The following ZNF438 variants were observed in gnomAD, a reference collection of about 807,000 sequenced individuals.
ZNF438 encodes the protein zinc finger protein 438.
In ZNF438, 25 loss-of-function variants were observed where a neutral mutation model predicts 38.0. The observed-to-expected ratio is 0.66, with a 90% confidence interval of 0.48 to 0.92. ZNF438 has a LOEUF of 0.92. Ranked by LOEUF, ZNF438 falls within the 40% of genes least tolerant of loss-of-function variation. The pLI is 0.00. For missense variants in ZNF438, 1,007 were observed against 999.6 expected (o/e 1.01, Z -0.10); for synonymous variants, 372 against 364.1 (o/e 1.02, Z -0.25).
chr10:30,982,334 C>G (rs879819644), intron 1 of ZNF438, among the ~76,000 whole-genome samples: 1 of 152,064 alleles, frequency 6.6e-6, no homozygotes, highest in Non-Finnish European at 1.5e-5. Context: ...ATCTCCTGAC[C>G]TCGTGATCCA....
intron 2 of ZNF438, among the ~76,000 whole-genome samples, chr10:30,931,664 C>T (rs936190862): frequency 6.6e-6 from 1 of 152,148 alleles, no homozygotes; most frequent in Non-Finnish European, 1.5e-5. Flanking sequence ...TGTATGTATA[C>T]TCTATAGTAC....
At chr10:30,860,790 T>C (rs2035445501) in intron 4 of ZNF438, among the ~76,000 whole-genome samples, 1 of 152,180 alleles carries the variant, frequency 6.6e-6, no homozygotes, top group Admixed American at 6.5e-5. Flanking sequence ...CCACTTTTGT[T>C]TATACCTAGT....
chr10:30,899,967 G>A (rs925406986), intron 3 of ZNF438, among the ~76,000 whole-genome samples: 3 of 152,140 alleles, frequency 2.0e-5, no homozygotes, highest in African/African-American at 7.2e-5. Context: ...TAAAAAGTAG[G>A]CATTCACTCT....
At chr10:30,854,900 A>G (rs1028658649) in intron 4 of ZNF438, among the ~76,000 whole-genome samples, 2 of 152,234 alleles carry the variant, frequency 1.3e-5, no homozygotes, top group African/African-American at 4.8e-5. Flanking sequence ...CAAAAGATGC[A>G]GCTGAAGCAA....
chr10:30,976,803 A>C (rs781644694), intron 1 of ZNF438, among the ~76,000 whole-genome samples: 41 of 152,164 alleles, frequency 2.7e-4, no homozygotes, highest in Non-Finnish European at 5.4e-4. Flanking sequence ...TGAGATGCTG[A>C]CAGTAAATAA....
intron 1 of ZNF438, among the ~76,000 whole-genome samples, chr10:31,002,324 C>T (rs532470282): frequency 2.5e-4 from 38 of 152,246 alleles, no homozygotes; most frequent in African/African-American, 8.9e-4. Context: ...TCATTAAGTT[C>T]GAGAGAACTT....
intron 3 of ZNF438, among the ~76,000 whole-genome samples, chr10:30,895,858 G>A (rs1364966831): frequency 1.3e-5 from 2 of 152,168 alleles, no homozygotes; most frequent in East Asian, 3.8e-4. Flanking sequence ...AATAACAAAT[G>A]TTGGTGAGGA....
intron 2 of ZNF438, among the ~76,000 whole-genome samples, chr10:30,936,331 C>T (rs2046252531): frequency 6.6e-6 from 1 of 152,238 alleles, no homozygotes; most frequent in African/African-American, 2.4e-5. Flanking sequence ...AAACCATCCA[C>T]TTTCTGGTTA....
rs1262987660 is a variant in ZNF438, at chr10:30,961,252, AAT to A, written c.-191-19603_-191-19602del. On this transcript the variant is annotated intron_variant, in intron 1 of 5. Transcript: ENST00000413025. ...TAGAGTATAATAAATAAAAAAAAAA[AAT>A]TAAAAAAAAAAATTTTTTAATTTAT... Among the ~76,000 whole-genome samples the A allele has an allele frequency of 3.0e-5, 4 of 133,502 alleles. No homozygotes were observed. The East Asian group carries it at 5.8e-4, about 19-fold the overall frequency. The allele number at this position is 133,502 out of a possible 152,430, so 87.6% of individuals were successfully genotyped here.
intron 3 of ZNF438, among the ~76,000 whole-genome samples, chr10:30,881,650 T>A (rs1247502251): frequency 6.6e-6 from 1 of 152,032 alleles, no homozygotes; most frequent in Middle Eastern, 3.2e-3. Flanking sequence ...AAAATTCACA[T>A]GAAAATAGAG....
intron 2 of ZNF438, among the ~76,000 whole-genome samples, chr10:30,924,097 C>A (rs2044633947): frequency 6.6e-6 from 1 of 152,156 alleles, no homozygotes; most frequent in Non-Finnish European, 1.5e-5. Context: ...TCTGTAGTAA[C>A]TTTACTGTGG....
At chr10:30,899,360 T>C (rs903893847) in intron 3 of ZNF438, among the ~76,000 whole-genome samples, 5 of 152,024 alleles carry the variant, frequency 3.3e-5, no homozygotes, top group Non-Finnish European at 7.4e-5. Flanking sequence ...GAAGAAAAGG[T>C]TATTTGCCTA....
chr10:30,887,590 A>G (rs1333793845), intron 3 of ZNF438, among the ~76,000 whole-genome samples: 1 of 151,968 alleles, frequency 6.6e-6, no homozygotes, highest in Non-Finnish European at 1.5e-5. Flanking sequence ...GGGTTTCACC[A>G]TGTTGGCCAG....
At chr10:30,988,644 A>T (rs1257141493) in intron 1 of ZNF438, among the ~76,000 whole-genome samples, 44 of 152,156 alleles carry the variant, frequency 2.9e-4, no homozygotes, top group Non-Finnish European at 2.9e-5. Context: ...TTTTGCTTTA[A>T]TGAATATAGC....
intron 3 of ZNF438, among the ~76,000 whole-genome samples, chr10:30,901,137 A>T (rs998771844): frequency 6.6e-6 from 1 of 152,148 alleles, no homozygotes; most frequent in African/African-American, 2.4e-5. Flanking sequence ...CTTTCTTATA[A>T]CAGTTATAAC....
At position 31,012,178 on chromosome 10, in the gene ZNF438, A is replaced by C. The variant is rs564083704; in HGVS notation, c.-192+19655T>G. 2.0e-5 allele frequency among the ~76,000 whole-genome samples: 3 copies of C among 146,568 alleles called. No individual in the cohort carries two copies. In the East Asian group the frequency reaches 6.0e-4, roughly 29 times the overall value. On this transcript the variant is annotated intron_variant, in intron 1 of 5. Transcript: ENST00000413025. ...CGCTCTGTCGCCCAGGCTGGAGTGC[A>C]GTGGCATGATCTTGGCTCCACTGCA...
chr10:30,883,429 T>G (rs369787848), intron 3 of ZNF438, among the ~76,000 whole-genome samples: 28 of 152,276 alleles, frequency 1.8e-4, no homozygotes, highest in African/African-American at 6.3e-4. Context: ...CTCATTACCT[T>G]TAAAGAAATG....
chr10:30,975,368 G>A (rs1226512517), intron 1 of ZNF438, among the ~76,000 whole-genome samples: 2 of 152,172 alleles, frequency 1.3e-5, no homozygotes, highest in African/African-American at 2.4e-5. Context: ...TTAGAGACTC[G>A]AAAGCAATAG....
rs770651021 is a variant in ZNF438, at chr10:30,850,343, G to A, written c.62C>T (p.Thr21Ile). Residue 21 changes from threonine to isoleucine, a missense_variant, in exon 5 of 6, where the codon ACA (threonine) becomes ATA (isoleucine). Physicochemically the swap from Thr to Ile is moderately conservative, Grantham distance 89. Coordinates refer to ENST00000413025, the Ensembl canonical transcript of ZNF438. ...CTGCAAACCTTTCCTACTCTGTATT[G>A]TTCCAGAAGGGATGTTTGATTCACC... 5 of 1,612,300 alleles carry A rather than the reference G, an allele frequency of 3.1e-6. No homozygotes were observed. In the East Asian group the frequency reaches 1.1e-4, roughly 36 times the overall value.
Sources: gnomAD v4.1 joint callset for allele counts (sites outside exome capture counted in the v4.1 genomes callset) on GRCh38, gnomAD v4.1.1 for gene constraint, MANE v1.5 for transcripts, NCBI Gene and HGNC (gene_info 2026-07-23, HGNC 2026-07-21) for gene names.